Variants in CCDC89 observed in about 807,000 individuals in gnomAD.
CCDC89 encodes coiled-coil domain containing 89, also known as coiled-coil domain-containing protein 89.
In CCDC89, 28 loss-of-function variants were observed where a neutral mutation model predicts 29.3. The observed-to-expected ratio is 0.96, with a 90% CI of 0.71 to 1.31. CCDC89 has a LOEUF of 1.31. Among genes scored for constraint, CCDC89 ranks in the 50% most tolerant of loss-of-function variants. The probability of loss-of-function intolerance (pLI) is 0.00; values close to 1 mark genes in which losing one functional copy is unlikely to be tolerated. For synonymous variants in CCDC89, 191 were observed against 179.7 expected, an observed-to-expected ratio of 1.06 and a Z score of -0.51; for missense variants, 484 against 442.3, an observed-to-expected ratio of 1.09 and a Z score of -0.85.
In CCDC89 at chr11:85,685,426, G is replaced by T. The variant is rs529963940; in HGVS notation, c.705C>A (p.Thr235=). 4 of 1,612,756 alleles carry T rather than the reference G, an allele frequency of 2.5e-6. No homozygotes were observed. The East Asian group carries it at 6.7e-5, about 27-fold the overall frequency. The change falls in exon 1 of 1, where the codon ACC becomes ACA. Residue 235 remains threonine, a synonymous_variant. Transcript: ENST00000316398. ...CAGCCTGCTGGTGCTGCTGCTTGAG[G>T]GTCTGCAGCTGGCTGCGCAGCTGTT... is the stretch of plus-strand genomic sequence containing the variant. The part of the protein sequence containing the change: ...ETEQLRSQLQ[T]LKQQHQQAVE...
rs1019547250 is a variant in CCDC89 at position 85,685,520 on chromosome 11, GCCTGGCAGGCAT to G, written c.599_610del (p.Asp200_Gln203del). ...CAGCAGCTCCTTCTCGCGCGCCTGTGCCTGGCAGGCATCCTGAGCACACCTCTCCTTCAGCGT... is the reference window on the plus strand; with the variant it reads ...CAGCAGCTCCTTCTCGCGCGCCTGTGCCTGAGCACACCTCTCCTTCAGCGT... On this transcript the variant is annotated inframe_deletion, in exon 1 of 1. Coordinates refer to ENST00000316398, the MANE Select transcript of CCDC89 (RefSeq NM_152723.3). 1.2e-6 allele frequency: 2 copies of G among 1,613,868 alleles called. No homozygotes were observed. Among genetic ancestry groups the G allele is most frequent in the African/African-American group, 2.7e-5 (2 of 74,910 alleles).
chr11:85,684,861 C>T lies in CCDC89; in HGVS notation c.*145G>A. ...AATAATGGCTTTACAATAATAACAA[C>T]AATATCATAGTAAAGTAGCTTTTCT... On this transcript the variant is annotated 3_prime_UTR_variant, in exon 1 of 1. Coordinates refer to ENST00000316398, the MANE Select transcript of CCDC89 (RefSeq NM_152723.3). 1 of 812,220 alleles carries T rather than the reference C, an allele frequency of 1.2e-6. No homozygotes were observed. Among genetic ancestry groups the T allele is most frequent in the Admixed American group, 3.1e-5 (1 of 31,974 alleles). 50.3% of individuals were successfully genotyped at this position (812,220 alleles called of 1,614,324 possible). A position where few individuals can be genotyped will look rare whatever the true frequency, so the allele number is the denominator to read the frequency against.
Sources: allele counts gnomAD v4.1 joint callset, GRCh38; gene constraint gnomAD v4.1.1; transcripts MANE v1.5; gene names NCBI Gene and HGNC (gene_info 2026-07-23, HGNC 2026-07-21).